The following CRTC1 variants were observed in gnomAD, a reference collection of about 807,000 sequenced individuals.
The protein encoded by CRTC1 is CREB-regulated transcription coactivator 1.
A neutral mutation model predicts 66.1 loss-of-function variants in CRTC1; 18 were observed. That is an observed-to-expected ratio of 0.27 (90% confidence interval 0.19 to 0.40). CRTC1 has a LOEUF of 0.40. CRTC1 is among the 10% of genes least tolerant of loss of function. The probability of loss-of-function intolerance (pLI) is 1.00; values close to 1 mark genes in which losing one functional copy is unlikely to be tolerated. For missense variants in CRTC1, 669 were observed against 887.9 expected (o/e 0.75, Z 3.13); for synonymous variants, 416 against 398.8 (o/e 1.04, Z -0.51).
At chr19:18,704,923 C>G (rs1291292207) in intron 1 of CRTC1, among the ~76,000 whole-genome samples, 1 of 147,474 alleles carries the variant, frequency 6.8e-6, no homozygotes, top group East Asian at 2.0e-4. Flanking sequence ...ATCCCCAACC[C>G]CCACCCTCCT....
chr19:18,726,286 T>G (rs1046464919), intron 1 of CRTC1, among the ~76,000 whole-genome samples: 7 of 152,212 alleles, frequency 4.6e-5, no homozygotes, highest in African/African-American at 1.7e-4. Flanking sequence ...CCAGCACCGC[T>G]GACGTGTGCC....
At chr19:18,720,547 T>TA (rs2053603436) in intron 1 of CRTC1, among the ~76,000 whole-genome samples, 1 of 133,332 alleles carries the variant, frequency 7.5e-6, no homozygotes, top group African/African-American at 2.9e-5. Context: ...TTTTTTTTTT[T>TA]AGCAGAGATG....
Position 18,754,412 on chromosome 19 carries a change from G to A in CRTC1, c.624+827G>A, listed in dbSNP as rs112782394. On this transcript the variant is annotated intron_variant, in intron 6 of 13. Coordinates refer to ENST00000321949, the MANE Select transcript of CRTC1 (RefSeq NM_015321.3). Reference sequence around the variant, plus strand: ...CCTGTACTCTGAGCTACTCAGGAGGGTGAGGCGGGAGTATCACTTGAGCCC... The same window carrying A: ...CCTGTACTCTGAGCTACTCAGGAGGATGAGGCGGGAGTATCACTTGAGCCC... Among the ~76,000 whole-genome samples the A allele has an allele frequency of 6.7e-4, 102 of 152,234 alleles. 1 individual carries two copies. The South Asian group carries it at 0.02, about 30-fold the overall frequency.
In CRTC1 at chr19:18,771,563, C is replaced by T. The variant is rs1365043312; in HGVS notation, c.1425+17C>T. ...TCCCCGCAAGTAAGGGGCGCCGCCTCCCCCTTGGCCTGTGGGCTCCACGCT... is the reference window on the plus strand; with the variant it reads ...TCCCCGCAAGTAAGGGGCGCCGCCTTCCCCTTGGCCTGTGGGCTCCACGCT... On this transcript the variant is annotated intron_variant, in intron 11 of 13. Coordinates refer to ENST00000321949, the MANE Select transcript of CRTC1 (RefSeq NM_015321.3). The surrounding 1 kb of genome is among the most constrained non-coding windows in gnomAD (Gnocchi z 4.6). 1.3e-6 allele frequency: 2 copies of T among 1,590,270 alleles called. No homozygotes were observed. The highest frequency in any genetic ancestry group is 2.7e-5 in the African/African-American group (2 of 74,144).
intron 1 of CRTC1, among the ~76,000 whole-genome samples, chr19:18,740,387 C>T (rs1347401926): frequency 2.6e-5 from 4 of 152,198 alleles, no homozygotes; most frequent in Non-Finnish European, 5.9e-5. Context: ...GCCGCAGAAG[C>T]TCCCCTGGCC....
In CRTC1 at chr19:18,777,511, C is replaced by G; in HGVS notation, c.*129C>G. On this transcript the variant is annotated 3_prime_UTR_variant, in exon 14 of 14. Transcript: ENST00000321949. The surrounding 1 kb of genome is among the most constrained non-coding windows in gnomAD (Gnocchi z 5.5). ...AGCTTGCAATGCCGCCAAGCGCCCC[C>G]CGCCAGCCCGCCCCCGGTTGTCCAC... The G allele has an allele frequency of 1.2e-6, 1 of 862,168 alleles. No homozygotes were observed. The highest frequency in any genetic ancestry group is 1.8e-6 in the Non-Finnish European group (1 of 540,648). 53.4% of individuals were successfully genotyped at this position (862,168 alleles called of 1,614,324 possible).
chr19:18,742,892 C>G lies in CRTC1; in HGVS notation c.127-18C>G. 6.3e-7 allele frequency: 1 copy of G among 1,597,720 alleles called. No homozygotes were observed. Among genetic ancestry groups the G allele is most frequent in the Non-Finnish European group, 8.6e-7 (1 of 1,165,982 alleles). Reference sequence around the variant, plus strand: ...TGGGAGGTGACCCCTCCCGCAGCTGCTGGCTTCTCTCTCGCAGCTCCAGCT... The same window carrying G: ...TGGGAGGTGACCCCTCCCGCAGCTGGTGGCTTCTCTCTCGCAGCTCCAGCT... On this transcript the variant is annotated intron_variant, in intron 1 of 13. Transcript: ENST00000321949.
At chr19:18,773,367 G>C (rs1029202855) in intron 11 of CRTC1, among the ~76,000 whole-genome samples, 1 of 152,202 alleles carries the variant, frequency 6.6e-6, no homozygotes, top group Admixed American at 6.5e-5. Context: ...ATTTGGTCCA[G>C]TTTGTGGCTC....
At chr19:18,708,893 T>G (rs2053326100) in intron 1 of CRTC1, among the ~76,000 whole-genome samples, 1 of 152,132 alleles carries the variant, frequency 6.6e-6, no homozygotes, top group South Asian at 2.1e-4. Flanking sequence ...AGAGCTGTGC[T>G]CAGTTCAGGC....
At chr19:18,753,793 G>A (rs753765121) in intron 6 of CRTC1, among the ~76,000 whole-genome samples, 8 of 151,958 alleles carry the variant, frequency 5.3e-5, no homozygotes, top group African/African-American at 1.2e-4. Flanking sequence ...CCAACAGGCC[G>A]GAACTGCACA....
chr19:18,760,659 C>A lies in CRTC1; in HGVS notation c.886+431C>A, dbSNP rs554795644. Reference sequence around the variant, plus strand: ...CTTGTCACATCCCAGCACCACCACCCCCACCCGTCTCCAGCTCCACACTCC... The same window carrying A: ...CTTGTCACATCCCAGCACCACCACCACCACCCGTCTCCAGCTCCACACTCC... On this transcript the variant is annotated intron_variant, in intron 8 of 13. Coordinates refer to ENST00000321949, the MANE Select transcript of CRTC1 (RefSeq NM_015321.3). This position sits in a 1 kb window ranked among gnomAD's most constrained non-coding sequence, Gnocchi z 6.2. Among the ~76,000 whole-genome samples, 4 of 152,154 alleles carry A rather than the reference C, an allele frequency of 2.6e-5. No homozygotes were observed. The highest frequency in any genetic ancestry group is 9.6e-5 in the African/African-American group (4 of 41,480).
chr19:18,690,751 C>T lies in CRTC1; in HGVS notation c.126+6923C>T, dbSNP rs368562235. ...TTATGAAGAGTGGGCCATGGCTGGG[C>T]GCAGTGGCTCACTCCTATAATCCCA... is the stretch of plus-strand genomic sequence containing the variant. On this transcript the variant is annotated intron_variant, in intron 1 of 13. Transcript: ENST00000321949. Among the ~76,000 whole-genome samples the T allele has an allele frequency of 1.1e-4, 17 of 151,918 alleles. No homozygotes were observed. In the East Asian group the frequency reaches 1.5e-3, roughly 14 times the overall value.
Position 18,720,233 on chromosome 19 carries a change from G to T in CRTC1, c.127-22677G>T, listed in dbSNP as rs1338743043. Among the ~76,000 whole-genome samples, 3 of 152,130 alleles carry T rather than the reference G, an allele frequency of 2.0e-5. 1 individual carries two copies. The highest frequency in any genetic ancestry group is 4.4e-5 in the Non-Finnish European group (3 of 68,026). On this transcript the variant is annotated intron_variant, in intron 1 of 13. Transcript: ENST00000321949. ...GGCTGAAGTGTAGTGACGCGATCTCGTGTCACTGCAACCTCTGCTTCCCTG... is the reference window on the plus strand; with the variant it reads ...GGCTGAAGTGTAGTGACGCGATCTCTTGTCACTGCAACCTCTGCTTCCCTG...
At chr19:18,733,954 C>A (rs553262192) in intron 1 of CRTC1, among the ~76,000 whole-genome samples, 142 of 152,088 alleles carry the variant, frequency 9.3e-4, no homozygotes, top group Admixed American at 1.3e-3. Context: ...ACTAAAAATA[C>A]AAAAATTCGC....
In CRTC1 at chr19:18,760,083, C is replaced by A. The variant is rs377678827; in HGVS notation, c.741C>A (p.Pro247=). 51 of 1,613,684 alleles carry A rather than the reference C, an allele frequency of 3.2e-5. No individual in the cohort carries two copies. The highest frequency in any genetic ancestry group is 4.0e-5 in the African/African-American group (3 of 74,896). ...CCCACAACACAGGGGGGTCCCTGCC[C>A]GACCTGACCAACATCCACTTCCCCT... ...PATHNTGGSL[P]DLTNIHFPSP... The change falls in exon 8 of 14, where the codon CCC becomes CCA. Residue 247 remains proline (P), a synonymous_variant. Coordinates refer to ENST00000321949, the MANE Select transcript of CRTC1 (RefSeq NM_015321.3). The surrounding 1 kb of genome is among the most constrained non-coding windows in gnomAD (Gnocchi z 6.2).
chr19:18,779,379 G>C lies in CRTC1; in HGVS notation c.*1997G>C, dbSNP rs1442643461. On this transcript the variant is annotated 3_prime_UTR_variant, in exon 14 of 14. Coordinates refer to ENST00000321949, the MANE Select transcript of CRTC1 (RefSeq NM_015321.3). Reference sequence around the variant, plus strand: ...CTGCTGCCGTCTTGTTCCAAGGTGCGGGGGGGACACTGTTGGTCTGTCCAG... The same window carrying C: ...CTGCTGCCGTCTTGTTCCAAGGTGCCGGGGGGACACTGTTGGTCTGTCCAG... The C allele has an allele frequency of 2.3e-5, 5 of 220,600 alleles. No individual in the cohort carries two copies. Among genetic ancestry groups the C allele is most frequent in the East Asian group, 1.3e-4 (2 of 15,310 alleles). The allele number at this position is 220,600 out of a possible 1,614,324, so 13.7% of individuals were successfully genotyped here.
rs1290076397 is a variant in CRTC1, at chr19:18,771,946, G to C, written c.1425+400G>C. On this transcript the variant is annotated intron_variant, in intron 11 of 13. Coordinates refer to ENST00000321949, the MANE Select transcript of CRTC1 (RefSeq NM_015321.3). The surrounding 1 kb of genome is among the most constrained non-coding windows in gnomAD (Gnocchi z 4.6). Reference sequence around the variant, plus strand: ...GGGGTGCAGCTGAGGTGGCTGGCCCGCCCGCAGGGAAGGCGCTGACTCTGC... The same window carrying C: ...GGGGTGCAGCTGAGGTGGCTGGCCCCCCCGCAGGGAAGGCGCTGACTCTGC... Among the ~76,000 whole-genome samples, 1 of 152,180 alleles carries C rather than the reference G, an allele frequency of 6.6e-6. No individual in the cohort carries two copies. Among genetic ancestry groups the C allele is most frequent in the South Asian group, 2.1e-4 (1 of 4,834 alleles).
rs1298682952 is a variant in CRTC1, at chr19:18,741,399, T to A, written c.127-1511T>A. Among the ~76,000 whole-genome samples the A allele has an allele frequency of 1.3e-5, 2 of 152,190 alleles. No individual in the cohort carries two copies. The highest frequency in any genetic ancestry group is 2.9e-5 in the Non-Finnish European group (2 of 68,020). On this transcript the variant is annotated intron_variant, in intron 1 of 13. Coordinates refer to ENST00000321949, the MANE Select transcript of CRTC1 (RefSeq NM_015321.3). This position sits in a 1 kb window ranked among gnomAD's most constrained non-coding sequence, Gnocchi z 4.2. ...ACCCGCCTGTAGCACTCACTCTAGG[T>A]CGGGGACACAGGTCCAGGAGGGGTC...
rs1284068612 is a variant in CRTC1, at chr19:18,780,723, C to A, written c.*3341C>A. 9.2e-6 allele frequency: 2 copies of A among 216,680 alleles called. No individual in the cohort carries two copies. The highest frequency in any genetic ancestry group is 1.9e-5 in the Non-Finnish European group (2 of 107,662). The allele number at this position is 216,680 out of a possible 1,614,324, so 13.4% of individuals were successfully genotyped here. ...TATTTTATTTTTTTAGAGATGGGGTCTTGCTGTGTTGCCCAGGCTGGTCTC... is the reference window on the plus strand; with the variant it reads ...TATTTTATTTTTTTAGAGATGGGGTATTGCTGTGTTGCCCAGGCTGGTCTC... On this transcript the variant is annotated 3_prime_UTR_variant, in exon 14 of 14. Transcript: ENST00000321949.
Sources: gnomAD v4.1 joint callset for allele counts (sites outside exome capture counted in the v4.1 genomes callset) on GRCh38, gnomAD v4.1.1 for gene constraint, Gnocchi (gnomAD v3.1) non-coding constraint, MANE v1.5 for transcripts, NCBI Gene and HGNC (gene_info 2026-07-23, HGNC 2026-07-21) for gene names.